Variants in EPHA6 observed in about 807,000 individuals in gnomAD.
The protein encoded by EPHA6 is ephrin type-A receptor 6.
In EPHA6, 50 loss-of-function variants were observed where a neutral mutation model predicts 112.0. The ratio of observed to expected loss-of-function variants is 0.45; its 90% CI spans 0.36 to 0.56. EPHA6 has a LOEUF of 0.56. Ranked by LOEUF, EPHA6 falls within the 20% of genes least tolerant of loss-of-function variation. The pLI is 0.00. For synonymous variants in EPHA6, 529 were observed against 490.7 expected, an observed-to-expected ratio of 1.08 and a Z score of -1.03; for missense variants, 1,280 against 1,417.4, an observed-to-expected ratio of 0.90 and a Z score of 1.56.
At chr3:96,936,518 T>C (rs756139763) in intron 2 of EPHA6, among the ~76,000 whole-genome samples, 1 of 151,898 alleles carries the variant, frequency 6.6e-6, no homozygotes, top group African/African-American at 2.4e-5. Context: ...ATAATTTCTG[T>C]AATTCTTTTT....
At chr3:97,436,328 T>TA (rs1339391405) in intron 6 of EPHA6, among the ~76,000 whole-genome samples, 3 of 152,124 alleles carry the variant, frequency 2.0e-5, no homozygotes, top group African/African-American at 7.2e-5. Context: ...TCTTAAGAGA[T>TA]ACCTGCTTTA....
intron 3 of EPHA6, among the ~76,000 whole-genome samples, chr3:97,102,253 C>A (rs999145337): frequency 3.3e-5 from 5 of 152,022 alleles, no homozygotes; most frequent in Admixed American, 2.6e-4. Context: ...ATGAGTGAAG[C>A]AATCTTGGAT....
intron 14 of EPHA6, among the ~76,000 whole-genome samples, chr3:97,673,117 T>G (rs1222669413): frequency 6.6e-6 from 1 of 152,198 alleles, no homozygotes; most frequent in East Asian, 1.9e-4. Context: ...TGAAGAAACC[T>G]CTTTAAAGAA....
chr3:97,296,022 A>G (rs1361641585), intron 5 of EPHA6, among the ~76,000 whole-genome samples: 1 of 152,184 alleles, frequency 6.6e-6, no homozygotes, highest in South Asian at 2.1e-4. Context: ...GCTTGCTCAG[A>G]TGCCAGCAGT....
chr3:96,922,034 T>TAG (rs112126178), intron 2 of EPHA6, among the ~76,000 whole-genome samples: 6,354 of 149,940 alleles, frequency 0.042, 429 homozygotes, highest in African/African-American at 0.14. Flanking sequence ...CCTTAATGTC[T>TAG]AGAGAGAGAG....
At position 97,706,867 on chromosome 3, in the gene EPHA6, T is replaced by C. The variant is rs146424451; in HGVS notation, c.2785-13394T>C. Among the ~76,000 whole-genome samples, 422 of 152,138 alleles carry C rather than the reference T, an allele frequency of 2.8e-3. 1 individual carries two copies. Among genetic ancestry groups the C allele is most frequent in the Non-Finnish European group, 4.5e-3 (308 of 67,992 alleles). ...TTACCCTCTGTGCTGTTATTATTTA[T>C]TTATTTATTTACATCAATGTTTCTC... On this transcript the variant is annotated intron_variant, in intron 14 of 17. Transcript: ENST00000389672.
intron 5 of EPHA6, among the ~76,000 whole-genome samples, chr3:97,344,157 T>C (rs2108869827): frequency 6.6e-6 from 1 of 152,240 alleles, no homozygotes; most frequent in East Asian, 1.9e-4. Context: ...TTAGATGATA[T>C]TTAAATGAGA....
rs140325330 is a variant in EPHA6 at position 97,696,019 on chromosome 3, C to T, written c.2785-24242C>T. ...ACATTAGGCACTGAAAAGATATTTA[C>T]CAAGTTGAATCGATGATTTTTCACA... On this transcript the variant is annotated intron_variant, in intron 14 of 17. Coordinates refer to ENST00000389672, the MANE Select transcript of EPHA6 (RefSeq NM_001080448.3). Among the ~76,000 whole-genome samples the T allele has an allele frequency of 6.5e-3, 991 of 152,298 alleles. 5 individuals are homozygous for T. The highest frequency in any genetic ancestry group is 0.022 in the African/African-American group (934 of 41,546).
intron 6 of EPHA6, among the ~76,000 whole-genome samples, chr3:97,431,401 A>G (rs1268488899): frequency 6.6e-6 from 1 of 152,142 alleles, no homozygotes; most frequent in Non-Finnish European, 1.5e-5. Context: ...AAAGTTTGTC[A>G]TGGTTGAATA....
chr3:97,601,083 T>C (rs1423867507), intron 12 of EPHA6, among the ~76,000 whole-genome samples: 12 of 152,238 alleles, frequency 7.9e-5, no homozygotes, highest in African/African-American at 2.9e-4. Flanking sequence ...ATGATATATA[T>C]ATGGCTATTT....
At chr3:96,889,968 T>A (rs1388294774) in intron 2 of EPHA6, among the ~76,000 whole-genome samples, 2 of 152,052 alleles carry the variant, frequency 1.3e-5, no homozygotes, top group African/African-American at 2.4e-5. Context: ...GATATCCACA[T>A]TGGAATACAT....
chr3:97,083,042 A>G (rs1322417956), intron 3 of EPHA6, among the ~76,000 whole-genome samples: 1 of 151,870 alleles, frequency 6.6e-6, no homozygotes, highest in East Asian at 1.9e-4. Context: ...TTAATATTCT[A>G]TCTATAACTC....
chr3:97,457,994 G>C (rs1184424437), intron 7 of EPHA6, among the ~76,000 whole-genome samples: 5 of 150,006 alleles, frequency 3.3e-5, no homozygotes, highest in Non-Finnish European at 5.9e-5. Context: ...CGTGAACCCG[G>C]GAGGCGGAGC....
chr3:97,229,672 C>T (rs977531734), intron 4 of EPHA6, among the ~76,000 whole-genome samples: 1 of 152,012 alleles, frequency 6.6e-6, no homozygotes, highest in African/African-American at 2.4e-5. Context: ...AGAGATGTCC[C>T]AATTTTTTAA....
intron 14 of EPHA6, among the ~76,000 whole-genome samples, chr3:97,662,972 G>A (rs923667875): frequency 3.3e-5 from 5 of 152,168 alleles, no homozygotes; most frequent in Non-Finnish European, 5.9e-5. Context: ...CAAGATCTGG[G>A]AAGCAACTTG....
intron 7 of EPHA6, among the ~76,000 whole-genome samples, chr3:97,449,180 G>A (rs1380601864): frequency 2.0e-5 from 3 of 152,126 alleles, no homozygotes; most frequent in South Asian, 2.1e-4. Context: ...AGATGCATGG[G>A]CTTCATCAGA....
chr3:97,737,328 G>C (rs1245980052), intron 16 of EPHA6, among the ~76,000 whole-genome samples: 1 of 152,036 alleles, frequency 6.6e-6, no homozygotes, highest in Non-Finnish European at 1.5e-5. Flanking sequence ...AACAAGACTG[G>C]AAACAGAGAC....
At chr3:97,634,419 A>T (rs768125708) in intron 13 of EPHA6, among the ~76,000 whole-genome samples, 1 of 151,988 alleles carries the variant, frequency 6.6e-6, no homozygotes, top group Non-Finnish European at 1.5e-5. Flanking sequence ...TAGATAGACC[A>T]ATTGGATCGT....
At chr3:97,417,469 TG>T (rs1239956477) in intron 6 of EPHA6, among the ~76,000 whole-genome samples, 1 of 152,188 alleles carries the variant, frequency 6.6e-6, no homozygotes, top group Non-Finnish European at 1.5e-5. Flanking sequence ...AGTGACTTAT[TG>T]GCTTTTATAA....
Sources: allele counts gnomAD v4.1 joint callset (sites outside exome capture counted in the v4.1 genomes callset), GRCh38; gene constraint gnomAD v4.1.1; transcripts MANE v1.5; gene names NCBI Gene and HGNC (gene_info 2026-07-23, HGNC 2026-07-21).